Variants in DBH observed in about 807,000 individuals in gnomAD.
The protein encoded by DBH is dopamine beta-hydroxylase.
A neutral mutation model predicts 64.0 loss-of-function variants in DBH; 49 were observed. The ratio of observed to expected loss-of-function variants is 0.77; its 90% CI spans 0.61 to 0.97. The LOEUF is 0.97. Ranked by LOEUF, DBH falls within the 50% of genes least tolerant of loss-of-function variation. DBH has a pLI of 0.00. For missense variants in DBH, 828 were observed against 826.6 expected (o/e 1.00, Z -0.02); for synonymous variants, 343 against 347.1 (o/e 0.99, Z 0.13).
chr9:133,659,313 T>G lies in DBH; in HGVS notation c.*866T>G, dbSNP rs1170351662. On this transcript the variant is annotated 3_prime_UTR_variant, in exon 12 of 12. Coordinates refer to ENST00000393056, the MANE Select transcript of DBH (RefSeq NM_000787.4). The stretch of plus-strand genomic sequence containing the variant: ...GTGCGGGCTAATGAGCCAATAAAGC[T>G]CACACTTGGGCTGGCACCCACTGGA... 2.6e-5 allele frequency: 4 copies of G among 152,182 alleles called. No individual in the cohort carries two copies. 9.4% of individuals were successfully genotyped at this position (152,182 alleles called of 1,614,324 possible).
chr9:133,636,787 C>T, intron 1 of DBH, 77 bp downstream of exon 1: 7 of 1,320,992 alleles, frequency 5.3e-6, no homozygotes, highest in South Asian at 5.0e-5. Context: ...CTGCACTCAC[C>T]CTCCTTAACC....
At chr9:133,648,140 C>T (rs922969934) in intron 6 of DBH, 128 bp downstream of exon 6, 122 of 1,100,550 alleles carry the variant, frequency 1.1e-4, no homozygotes, top group Middle Eastern at 2.8e-4. Flanking sequence ...AATCCCCCTG[C>T]GGTCCTCCCT....
rs1832369202 is a variant in DBH, at chr9:133,658,681, G to A, written c.*234G>A. On this transcript the variant is annotated 3_prime_UTR_variant, in exon 12 of 12. Coordinates refer to ENST00000393056, the MANE Select transcript of DBH (RefSeq NM_000787.4). ...ACCTACCCTGGACCGAGTGGACCAC[G>A]ACCTCGTCCATTTAAACCCGGCTGA... is the stretch of plus-strand genomic sequence containing the variant. 4.6e-6 allele frequency: 2 copies of A among 436,026 alleles called. No individual in the cohort carries two copies. Among genetic ancestry groups the A allele is most frequent in the Non-Finnish European group, 4.0e-6 (1 of 249,948 alleles). The allele number at this position is 436,026 out of a possible 1,614,324, so 27.0% of individuals were successfully genotyped here.
rs567810295 is a variant in DBH at position 133,657,408 on chromosome 9, GGAGAGAGGA to G, written c.1722+221_1722+229del. The G allele has an allele frequency of 0.59, 247,338 of 418,734 alleles. 84,316 individuals are homozygous for G. Among genetic ancestry groups the G allele is most frequent in the South Asian group, 0.73 (30,937 of 42,410 alleles). The allele number at this position is 418,734 out of a possible 1,614,324, so 25.9% of individuals were successfully genotyped here. ...CAGCCAGCCAGCCAGCAGAGAGAGA[GGAGAGAGGA>G]GAGAGAGGAGAGAGAGGAGAGAGAG... On this transcript the variant is annotated intron_variant, in intron 11 of 11. Transcript: ENST00000393056.
rs1052484524 is a variant in DBH, at chr9:133,640,254, C to T, written c.486+262C>T. On this transcript the variant is annotated intron_variant, in intron 2 of 11. Transcript: ENST00000393056. Reference sequence around the variant, plus strand: ...ACGTAGCTGACATGGTTTCTAGATGCGGGGCTTGTGCTGAAGCCTCTCCCA... The same window carrying T: ...ACGTAGCTGACATGGTTTCTAGATGTGGGGCTTGTGCTGAAGCCTCTCCCA... Among the ~76,000 whole-genome samples the T allele has an allele frequency of 2.0e-5, 3 of 152,202 alleles. 1 individual carries two copies. In the South Asian group the frequency reaches 6.2e-4, roughly 32 times the overall value.
Position 133,643,070 on chromosome 9 carries a change from AG to A in DBH, c.745-341del, listed in dbSNP as rs1832135847. On this transcript the variant is annotated intron_variant, in intron 3 of 11. Transcript: ENST00000393056. The surrounding 1 kb of genome is among the most constrained non-coding windows in gnomAD (Gnocchi z 5.3). ...ACAGCAGGAAGAGGCATGGCCTTGA[AG>A]GTGCGCTTTGGGCCCGGGCTCTAAC... is the stretch of plus-strand genomic sequence containing the variant. Among the ~76,000 whole-genome samples the A allele has an allele frequency of 6.6e-6, 1 of 152,152 alleles. No homozygotes were observed. Among genetic ancestry groups the A allele is most frequent in the African/African-American group, 2.4e-5 (1 of 41,440 alleles).
At chr9:133,652,140 A>C in intron 7 of DBH, 106 bp from the exon 8 acceptor site, 1 of 1,301,328 alleles carries the variant, frequency 7.7e-7, no homozygotes, top group Non-Finnish European at 1.1e-6. Context: ...CAAAATGGAC[A>C]CCCCCAGAGG....
At chr9:133,657,869 A>C (rs1293369922) in intron 11 of DBH, among the ~76,000 whole-genome samples, 1 of 152,214 alleles carries the variant, frequency 6.6e-6, no homozygotes, top group African/African-American at 2.4e-5. Context: ...AGCCAGATTA[A>C]CTGCTAAGTC....
At chr9:133,636,818 T>C (rs922962361) in intron 1 of DBH, 108 bp downstream of exon 1, 17 of 1,082,248 alleles carry the variant, frequency 1.6e-5, no homozygotes, top group African/African-American at 3.1e-5. Context: ...TTCTGTCACC[T>C]GTCAGTGTTT....
intron 2 of DBH, among the ~76,000 whole-genome samples, chr9:133,641,920 C>T (rs547406621): frequency 5.3e-5 from 8 of 152,294 alleles, no homozygotes; most frequent in Admixed American, 2.0e-4. Flanking sequence ...TGGCTCACGG[C>T]GGGCCCAGTA....
chr9:133,636,920 C>T (rs1832060323), intron 1 of DBH, among the ~76,000 whole-genome samples: 1 of 152,160 alleles, frequency 6.6e-6, no homozygotes, highest in Admixed American at 6.5e-5. Context: ...ACATGCTTTC[C>T]ATGGTCCTTG....
intron 1 of DBH, among the ~76,000 whole-genome samples, chr9:133,636,911 C>T (rs1005711041): frequency 1.3e-5 from 2 of 152,142 alleles, no homozygotes; most frequent in African/African-American, 4.8e-5. Context: ...ATAGGAAAGA[C>T]ATGCTTTCCA....
intron 1 of DBH, among the ~76,000 whole-genome samples, chr9:133,639,270 G>A (rs1832088567): frequency 6.6e-6 from 1 of 151,212 alleles, no homozygotes; most frequent in Non-Finnish European, 1.5e-5. Flanking sequence ...TATTTATAAA[G>A]TAATAAAGCA....
At position 133,643,531 on chromosome 9, in the gene DBH, A is replaced by T. The variant is rs1279336619; in HGVS notation, c.863A>T (p.Lys288Ile). 2 of 1,612,966 alleles carry T rather than the reference A, an allele frequency of 1.2e-6. No individual in the cohort carries two copies. The highest frequency in any genetic ancestry group is 2.7e-5 in the African/African-American group (2 of 74,672). ...AGCGGGCCCTGCGACTCCAAGATGA[A>T]ACCCGACCGCCTCAACTACTGCCGC... Reference protein sequence around the residue: ...HFSGPCDSKMKPDRLNYCRHV... With the variant: ...HFSGPCDSKMIPDRLNYCRHV... Residue 288 changes from lysine to isoleucine, a missense_variant, in exon 4 of 12, where the codon AAA becomes ATA. By Grantham distance (102) the Lys-to-Ile change is moderately radical. Coordinates refer to ENST00000393056, the MANE Select transcript of DBH (RefSeq NM_000787.4). This position sits in a 1 kb window ranked among gnomAD's most constrained non-coding sequence, Gnocchi z 5.3.
intron 9 of DBH, 129 bp from the exon 10 acceptor site, chr9:133,656,394 A>C: frequency 7.5e-7 from 1 of 1,327,444 alleles, no homozygotes; most frequent in Non-Finnish European, 1.1e-6. Context: ...TCGGTTCCCC[A>C]GAGCATGCCT....
chr9:133,640,995 A>G (rs548032271), intron 2 of DBH, among the ~76,000 whole-genome samples: 1 of 152,232 alleles, frequency 6.6e-6, no homozygotes, highest in East Asian at 1.9e-4. Flanking sequence ...TTTAGGGCTG[A>G]GGCAATATTG....
chr9:133,636,646 G>A lies in DBH; in HGVS notation c.275G>A (p.Arg92His), dbSNP rs146922432. Residue 92 changes from arginine to histidine, a missense_variant, in exon 1 of 12, where the codon CGT becomes CAT. Transcript: ENST00000393056. Reference sequence around the variant, plus strand: ...GGCGTCCTGTTTGGGATGTCCGACCGTGGCGAGCTTGAGAACGCAGATCTC... The same window carrying A: ...GGCGTCCTGTTTGGGATGTCCGACCATGGCGAGCTTGAGAACGCAGATCTC... Reference protein sequence around the residue: ...KAGVLFGMSDRGELENADLVV... With the variant: ...KAGVLFGMSDHGELENADLVV... The A allele has an allele frequency of 8.4e-5, 136 of 1,612,448 alleles. 1 individual carries two copies. Among genetic ancestry groups the A allele is most frequent in the Middle Eastern group, 4.9e-4 (3 of 6,062 alleles).
At chr9:133,644,963 ACAC>A (rs1458585149) in intron 5 of DBH, among the ~76,000 whole-genome samples, 1 of 100,358 alleles carries the variant, frequency 1.0e-5, no homozygotes, top group Non-Finnish European at 2.3e-5. Context: ...ACACGCACAC[ACAC>A]ATGCACACAT....
chr9:133,652,358 CAGA>C (rs1832261700), intron 8 of DBH, 74 bp downstream of exon 8: 8 of 1,550,856 alleles, frequency 5.2e-6, no homozygotes, highest in Non-Finnish European at 7.1e-6. Flanking sequence ...GGGGTGCCAC[CAGA>C]AGGAGAGGGA....
Sources: gnomAD v4.1 joint callset for allele counts (sites outside exome capture counted in the v4.1 genomes callset) on GRCh38, gnomAD v4.1.1 for gene constraint, Gnocchi (gnomAD v3.1) non-coding constraint, MANE v1.5 for transcripts, NCBI Gene and HGNC (gene_info 2026-07-23, HGNC 2026-07-21) for gene names.